Variants in NCAM1 observed in about 807,000 individuals in gnomAD.
NCAM1 encodes the protein antigen recognized by monoclonal antibody 5.1H11.
NCAM1 carries 14 observed loss-of-function variants against 109.8 expected under a neutral mutation model. That is an observed-to-expected ratio of 0.13 (90% CI 0.08 to 0.20). The LOEUF is 0.20. Ranked by LOEUF, NCAM1 falls within the 10% of genes least tolerant of loss-of-function variation. The pLI is 1.00. For synonymous variants in NCAM1, 418 were observed against 442.9 expected (o/e 0.94, Z 0.70); for missense variants, 774 against 1,109.9 (o/e 0.70, Z 4.30).
chr11:113,179,868 C>G (rs534974471), intron 1 of NCAM1, among the ~76,000 whole-genome samples: 1 of 152,124 alleles, frequency 6.6e-6, no homozygotes, highest in South Asian at 2.1e-4. Flanking sequence ...CTTTAAGAGG[C>G]ATCTTGGTTA....
rs1591191901 is a variant in NCAM1 at position 112,963,668 on chromosome 11, T to A, written c.52+2004T>A. Among the ~76,000 whole-genome samples the A allele has an allele frequency of 1.3e-5, 2 of 151,258 alleles. No homozygotes were observed. Among genetic ancestry groups the A allele is most frequent in the African/African-American group, 2.4e-5 (1 of 41,088 alleles). Reference sequence around the variant, plus strand: ...TCCACATGGGGCGGGGGAAGGGGGGTGTTTTTGAGACATCCTCGCCCCCGG... The same window carrying A: ...TCCACATGGGGCGGGGGAAGGGGGGAGTTTTTGAGACATCCTCGCCCCCGG... On this transcript the variant is annotated intron_variant, in intron 1 of 19. Coordinates refer to ENST00000316851, the MANE Select transcript of NCAM1 (RefSeq NM_181351.5). The surrounding 1 kb of genome is among the most constrained non-coding windows in gnomAD (Gnocchi z 4.6).
At chr11:113,083,775 C>G (rs1454429475) in intron 1 of NCAM1, among the ~76,000 whole-genome samples, 4 of 152,060 alleles carry the variant, frequency 2.6e-5, no homozygotes, top group African/African-American at 9.7e-5. Context: ...GCTGGTGGCC[C>G]CAGGATCACT....
intron 5 of NCAM1, among the ~76,000 whole-genome samples, 160 bp downstream of exon 5, chr11:113,206,340 T>G (rs1944238421): frequency 7.1e-6 from 1 of 140,930 alleles, no homozygotes; most frequent in Non-Finnish European, 1.5e-5. Context: ...CTAGATTTCT[T>G]TTTTTTTTTT....
At position 112,992,568 on chromosome 11, in the gene NCAM1, C is replaced by G. The variant is rs1555070743; in HGVS notation, c.52+30904C>G. Among the ~76,000 whole-genome samples, 6 of 145,982 alleles carry G rather than the reference C, an allele frequency of 4.1e-5. 1 individual carries two copies. The highest frequency in any genetic ancestry group is 8.9e-5 in the Non-Finnish European group (6 of 67,338). ...CCAGGCTGGAGTGCAGTGGCGTGATCTCGGCTCATTGCAAGCTCTGCCTCT... is the reference window on the plus strand; with the variant it reads ...CCAGGCTGGAGTGCAGTGGCGTGATGTCGGCTCATTGCAAGCTCTGCCTCT... On this transcript the variant is annotated intron_variant, in intron 1 of 19. Transcript: ENST00000316851.
At chr11:113,207,483 G>A (rs1284066945) in intron 6 of NCAM1, 105 bp downstream of exon 6, 3 of 868,192 alleles carry the variant, frequency 3.5e-6, no homozygotes, top group East Asian at 5.1e-5. Flanking sequence ...GGCTTCTTAG[G>A]AATATTAACC....
chr11:113,260,148 C>G lies in NCAM1; in HGVS notation c.1956C>G (p.Leu652=), dbSNP rs1555123027. The change falls in exon 17 of 20, where the codon CTC becomes CTG. Residue 652 remains leucine, a splice_region_variant and synonymous_variant. Transcript: ENST00000316851. The part of the protein sequence containing the change: ...IRHYLVRYRA[L]SSEWKPEIRL... ...TTCTTGCCGGTTTCTCCCAGAAGCT[C>G]TCCTCCGAGTGGAAACCAGAGATCA... The G allele has an allele frequency of 1.9e-6, 3 of 1,608,640 alleles. No individual in the cohort carries two copies. Among genetic ancestry groups the G allele is most frequent in the African/African-American group, 1.3e-5 (1 of 74,552 alleles).
At chr11:113,044,708 A>G (rs1358069713) in intron 1 of NCAM1, among the ~76,000 whole-genome samples, 8 of 151,656 alleles carry the variant, frequency 5.3e-5, no homozygotes, top group African/African-American at 1.9e-4. Flanking sequence ...CAAAACCATG[A>G]TTTGTAGACC....
chr11:113,113,898 T>C (rs1423665229), intron 1 of NCAM1, among the ~76,000 whole-genome samples: 1 of 152,230 alleles, frequency 6.6e-6, no homozygotes, highest in Admixed American at 6.5e-5. Flanking sequence ...GGAAGAGGAC[T>C]GGTGCTTTAG....
intron 17 of NCAM1, among the ~76,000 whole-genome samples, chr11:113,268,392 G>A (rs1035281487): frequency 6.6e-6 from 1 of 152,206 alleles, no homozygotes; most frequent in Admixed American, 6.5e-5. Context: ...GCCTTCCTGG[G>A]GGAATGCGCT....
intron 17 of NCAM1, chr11:113,262,745 G>T: frequency 7.0e-6 from 9 of 1,293,068 alleles, no homozygotes; most frequent in South Asian, 3.1e-5. Flanking sequence ...TGTGTCTGTC[G>T]TCACACTTGT....
intron 1 of NCAM1, among the ~76,000 whole-genome samples, chr11:113,120,466 C>T (rs1940909503): frequency 6.6e-6 from 1 of 152,186 alleles, no homozygotes; most frequent in African/African-American, 2.4e-5. Flanking sequence ...ATATAATCAT[C>T]TGACACTAAA....
Position 112,995,034 on chromosome 11 carries a change from T to C in NCAM1, c.52+33370T>C, listed in dbSNP as rs781838493. ...TGTCCTATAGCCTTGTCTCAGTAAC[T>C]GGAGGTAGGGACCTTGTCTTACTTA... is the stretch of plus-strand genomic sequence containing the variant. On this transcript the variant is annotated intron_variant, in intron 1 of 19. Coordinates refer to ENST00000316851, the MANE Select transcript of NCAM1 (RefSeq NM_181351.5). Among the ~76,000 whole-genome samples the C allele has an allele frequency of 1.8e-4, 28 of 152,296 alleles. 1 individual carries two copies. Among genetic ancestry groups the C allele is most frequent in the Non-Finnish European group, 3.5e-4 (24 of 68,032 alleles).
At chr11:113,116,263 C>A (rs782279663) in intron 1 of NCAM1, among the ~76,000 whole-genome samples, 1 of 152,216 alleles carries the variant, frequency 6.6e-6, no homozygotes, top group Non-Finnish European at 1.5e-5. Flanking sequence ...TGAGTACTAT[C>A]TATTTTTCAG....
At chr11:113,209,762 A>G (rs1944336377) in intron 7 of NCAM1, among the ~76,000 whole-genome samples, 1 of 152,250 alleles carries the variant, frequency 6.6e-6, no homozygotes. Flanking sequence ...TAGATAGTCA[A>G]CGCTGGAATT....
At chr11:113,226,952 G>A (rs1457220561) in intron 9 of NCAM1, among the ~76,000 whole-genome samples, 3 of 152,166 alleles carry the variant, frequency 2.0e-5, no homozygotes, top group Non-Finnish European at 4.4e-5. Context: ...GAAATTTATA[G>A]CACTAAATGC....
intron 1 of NCAM1, 100 bp from the exon 2 acceptor site, chr11:113,202,279 A>T: frequency 8.4e-7 from 1 of 1,188,834 alleles, no homozygotes; most frequent in Non-Finnish European, 1.2e-6. Context: ...TGAATGGAAG[A>T]TCTGGGTTTC....
intron 8 of NCAM1, among the ~76,000 whole-genome samples, chr11:113,216,251 G>A (rs1034566444): frequency 2.8e-5 from 4 of 143,712 alleles, no homozygotes; most frequent in Non-Finnish European, 6.0e-5. Flanking sequence ...TGGGGTTCCC[G>A]CCATTCTCCT....
At chr11:113,052,124 T>C (rs1953522563) in intron 1 of NCAM1, among the ~76,000 whole-genome samples, 1 of 152,214 alleles carries the variant, frequency 6.6e-6, no homozygotes, top group South Asian at 2.1e-4. Flanking sequence ...ACTGAATCTG[T>C]GTGGGTAGTA....
rs370003415 is a variant in NCAM1 at position 113,235,050 on chromosome 11, G to A, written c.1711G>A (p.Val571Ile). 3.2e-5 allele frequency: 50 copies of A among 1,562,656 alleles called. No homozygotes were observed. In the East Asian group the frequency reaches 4.6e-4, roughly 14 times the overall value. Residue 571 changes from valine (V) to isoleucine (I), a missense_variant, in exon 14 of 20, where the codon GTC becomes ATC. Transcript: ENST00000316851. ...DAKEASMEGI[V>I]TIVGLKPETT... is the part of the protein sequence containing the mutation. ...TATAACAGCCAGCATGGAGGGCATC[G>A]TCACCATCGTGGGCCTGAAGCCCGA...
Sources: gnomAD v4.1 joint callset for allele counts (sites outside exome capture counted in the v4.1 genomes callset) on GRCh38, gnomAD v4.1.1 for gene constraint, Gnocchi (gnomAD v3.1) non-coding constraint, MANE v1.5 for transcripts, NCBI Gene and HGNC (gene_info 2026-07-23, HGNC 2026-07-21) for gene names.